Variants in PARP8 observed in about 807,000 individuals in gnomAD.
PARP8 encodes the protein poly(ADP-ribose) polymerase family member 8, also known as protein mono-ADP-ribosyltransferase PARP8.
A neutral mutation model predicts 124.1 loss-of-function variants in PARP8; 51 were observed. That is an observed-to-expected ratio of 0.41 (90% CI 0.33 to 0.52). PARP8 has a LOEUF of 0.52. Among genes scored for constraint, PARP8 ranks in the 20% least tolerant of loss-of-function variants. PARP8 has a pLI of 0.21. For synonymous variants in PARP8, 391 were observed against 361.5 expected (o/e 1.08, Z -0.93); for missense variants, 860 against 1,018.9 (o/e 0.84, Z 2.12).
chr5:50,703,299 CAA>C (rs34772044), intron 2 of PARP8, among the ~76,000 whole-genome samples: 3,045 of 117,442 alleles, frequency 0.026, 91 homozygotes, highest in African/African-American at 0.086. Flanking sequence ...GACCGTGTCT[CAA>C]AAAAAAAAAA....
intron 10 of PARP8, among the ~76,000 whole-genome samples, chr5:50,791,441 C>G (rs1741944857): frequency 6.6e-6 from 1 of 152,134 alleles, no homozygotes; most frequent in Non-Finnish European, 1.5e-5. Flanking sequence ...ACTTACAACG[C>G]ATAAACTAAT....
chr5:50,809,997 C>A (rs1744260645), intron 14 of PARP8, among the ~76,000 whole-genome samples: 1 of 151,966 alleles, frequency 6.6e-6, no homozygotes, highest in African/African-American at 2.4e-5. Context: ...GGGCTTAATA[C>A]ATTTTTTGAA....
At chr5:50,832,751 C>G in intron 22 of PARP8, 30 bp from the exon 23 acceptor site, 3 of 1,609,224 alleles carry the variant, frequency 1.9e-6, no homozygotes, top group Non-Finnish European at 2.6e-6. Flanking sequence ...CAGCTTTGTC[C>G]CTAAATTATT....
Position 50,824,897 on chromosome 5 carries a change from C to T in PARP8, c.1861-11C>T, listed in dbSNP as rs771714769. 34 of 1,609,878 alleles carry T rather than the reference C, an allele frequency of 2.1e-5. No homozygotes were observed. The highest frequency in any genetic ancestry group is 2.9e-5 in the Non-Finnish European group (34 of 1,176,888). On this transcript the variant is annotated splice_polypyrimidine_tract_variant and intron_variant, in intron 17 of 25. Coordinates refer to ENST00000281631, the MANE Select transcript of PARP8 (RefSeq NM_024615.4). The stretch of plus-strand genomic sequence containing the variant: ...TATGAAAAATCAAGAAGTATAATGA[C>T]TTTTTTTCAGGCACCATATCTGGAA...
chr5:50,711,884 T>C (rs2149490164), intron 2 of PARP8, among the ~76,000 whole-genome samples: 1 of 152,258 alleles, frequency 6.6e-6, no homozygotes, highest in Middle Eastern at 3.4e-3. Flanking sequence ...TTCTCTTTTC[T>C]CTTTTAAGCG....
Position 50,761,875 on chromosome 5 carries a change from G to A in PARP8, c.400G>A (p.Glu134Lys), listed in dbSNP as rs1477888806. The A allele has an allele frequency of 4.4e-6, 7 of 1,602,488 alleles. No individual in the cohort carries two copies. The highest frequency in any genetic ancestry group is 4.3e-6 in the Non-Finnish European group (5 of 1,172,288). ...EEDSEGDNDS[E>K]EFYYGGQVNY... is the part of the protein sequence containing the mutation. ...AGATTCTGAAGGTGACAATGATTCC[G>A]AAGAATTTTATTACGGAGGGCAGGT... is the stretch of plus-strand genomic sequence containing the variant. Residue 134 changes from glutamate to lysine, a missense_variant, in exon 6 of 26, where the codon GAA becomes AAA. Transcript: ENST00000281631.
At chr5:50,742,631 A>G (rs1423823734) in intron 2 of PARP8, among the ~76,000 whole-genome samples, 2 of 152,180 alleles carry the variant, frequency 1.3e-5, no homozygotes. Context: ...AAAATTTGCA[A>G]AAACAACTAG....
rs1443405013 is a variant in PARP8, at chr5:50,666,854, G to A, written c.-242G>A. On this transcript the variant is annotated 5_prime_UTR_variant, in exon 1 of 26. Transcript: ENST00000281631. ...GGGGAGGAAATTGGAATCCAGCAGCGGCGAGCAGCAGCTGGGCGGTCACAT... is the reference window on the plus strand; with the variant it reads ...GGGGAGGAAATTGGAATCCAGCAGCAGCGAGCAGCAGCTGGGCGGTCACAT... 3 of 1,364,752 alleles carry A rather than the reference G, an allele frequency of 2.2e-6. No individual in the cohort carries two copies. The highest frequency in any genetic ancestry group is 1.5e-5 in the South Asian group (1 of 64,616). The allele number at this position is 1,364,752 out of a possible 1,614,324, so 84.5% of individuals were successfully genotyped here.
intron 2 of PARP8, among the ~76,000 whole-genome samples, chr5:50,749,394 A>G (rs1394375768): frequency 6.6e-6 from 1 of 152,144 alleles, no homozygotes; most frequent in Non-Finnish European, 1.5e-5. Context: ...TGACACTGCA[A>G]ATATAAATAG....
intron 2 of PARP8, among the ~76,000 whole-genome samples, chr5:50,720,502 GGAA>G (rs1755766509): frequency 6.6e-6 from 1 of 151,996 alleles, no homozygotes; most frequent in Non-Finnish European, 1.5e-5. Flanking sequence ...AGGGAAGAAT[GGAA>G]GAAGAAGGTG....
rs966495516 is a variant in PARP8, at chr5:50,795,387, A to G, written c.1398A>G (p.Thr466=). Residue 466 remains threonine (T), a synonymous_variant, in exon 12 of 26, where the codon ACA becomes ACG. Coordinates refer to ENST00000281631, the MANE Select transcript of PARP8 (RefSeq NM_024615.4). ...SLTSGLIGIL[T]PSSSSSSQLA... ...CCTCAGGGCTTATTGGTATCCTAACACCATCTTCATCTTCATCTTCTCAGC... is the reference window on the plus strand; with the variant it reads ...CCTCAGGGCTTATTGGTATCCTAACGCCATCTTCATCTTCATCTTCTCAGC... 1 of 1,602,782 alleles carries G rather than the reference A, an allele frequency of 6.2e-7. No individual in the cohort carries two copies. Among genetic ancestry groups the G allele is most frequent in the African/African-American group, 1.3e-5 (1 of 74,096 alleles).
intron 2 of PARP8, among the ~76,000 whole-genome samples, chr5:50,683,331 G>A (rs1414550330): frequency 2.6e-5 from 4 of 152,114 alleles, no homozygotes; most frequent in African/African-American, 9.7e-5. Flanking sequence ...TTAAAAGAAA[G>A]TAGTGCAGTT....
intron 2 of PARP8, among the ~76,000 whole-genome samples, chr5:50,700,984 ATTTC>A (rs1025377656): frequency 2.0e-5 from 3 of 152,110 alleles, no homozygotes; most frequent in African/African-American, 4.8e-5. Context: ...AGTTTTCTGA[ATTTC>A]TTTATCTGGG....
chr5:50,676,499 C>G (rs546061502), intron 2 of PARP8, among the ~76,000 whole-genome samples: 1 of 152,226 alleles, frequency 6.6e-6, no homozygotes, highest in Non-Finnish European at 1.5e-5. Flanking sequence ...AGAGCCCTCT[C>G]TGGTACCTGA....
intron 2 of PARP8, among the ~76,000 whole-genome samples, chr5:50,708,486 G>A (rs1754395438): frequency 6.6e-6 from 1 of 151,952 alleles, no homozygotes; most frequent in South Asian, 2.1e-4. Flanking sequence ...TTAATAGATT[G>A]AGAAGGTATG....
chr5:50,798,611 A>G (rs554730333), intron 14 of PARP8, among the ~76,000 whole-genome samples: 9 of 151,638 alleles, frequency 5.9e-5, no homozygotes, highest in African/African-American at 2.2e-4. Context: ...TTTAGTAGAG[A>G]CAGGGTTTCA....
chr5:50,825,047 A>G (rs1746191910), intron 18 of PARP8, 72 bp downstream of exon 18: 2 of 1,278,406 alleles, frequency 1.6e-6, no homozygotes. Flanking sequence ...GAAAAAAACC[A>G]AACAAACAAA....
intron 6 of PARP8, among the ~76,000 whole-genome samples, chr5:50,762,525 G>C (rs1254987094): frequency 6.6e-6 from 1 of 152,092 alleles, no homozygotes; most frequent in Non-Finnish European, 1.5e-5. Flanking sequence ...TAAACTCCTT[G>C]AGCAAATGTG....
chr5:50,794,605 T>A (rs1742317661), intron 11 of PARP8, among the ~76,000 whole-genome samples: 1 of 152,220 alleles, frequency 6.6e-6, no homozygotes, highest in Non-Finnish European at 1.5e-5. Flanking sequence ...AGTTTCATTA[T>A]AGGGCTTTGG....
Sources: allele counts gnomAD v4.1 joint callset (sites outside exome capture counted in the v4.1 genomes callset), GRCh38; gene constraint gnomAD v4.1.1; transcripts MANE v1.5; gene names NCBI Gene and HGNC (gene_info 2026-07-23, HGNC 2026-07-21).